CYFIP1: variants seen among roughly 807,000 people sequenced by gnomAD.
The protein encoded by CYFIP1 is cytoplasmic FMR1-interacting protein 1.
CYFIP1 carries 58 observed loss-of-function variants against 163.5 expected under a neutral mutation model. The observed-to-expected ratio is 0.35, with a 90% CI of 0.29 to 0.44. The LOEUF (loss-of-function observed/expected upper bound fraction) is 0.44. Ranked by LOEUF, CYFIP1 falls within the 20% of genes least tolerant of loss-of-function variation. The pLI, the probability that CYFIP1 is intolerant of heterozygous loss-of-function variation, is 1.00. For synonymous variants in CYFIP1, 663 were observed against 660.7 expected, an observed-to-expected ratio of 1.00 and a Z score of -0.05; for missense variants, 1,338 against 1,653.8, an observed-to-expected ratio of 0.81 and a Z score of 3.31.
intron 11 of CYFIP1, among the ~76,000 whole-genome samples, chr15:22,929,318 T>C (rs912109577): frequency 6.6e-6 from 1 of 151,802 alleles, no homozygotes; most frequent in Non-Finnish European, 1.5e-5. Context: ...CTGTAATTAG[T>C]AGTGCTGGCA....
chr15:22,962,076 A>G (rs1401329363), intron 1 of CYFIP1, among the ~76,000 whole-genome samples: 3 of 152,166 alleles, frequency 2.0e-5, no homozygotes, highest in African/African-American at 7.2e-5. Flanking sequence ...CTCAGGTGAG[A>G]AACAGTGTCA....
chr15:22,871,850 C>G (rs1482723460), intron 30 of CYFIP1, among the ~76,000 whole-genome samples: 2 of 152,140 alleles, frequency 1.3e-5, no homozygotes, highest in African/African-American at 4.8e-5. Flanking sequence ...AGGGTGAACC[C>G]AGCACCTCAG....
chr15:22,912,858 C>A (rs757946577), intron 17 of CYFIP1, among the ~76,000 whole-genome samples: 1 of 152,078 alleles, frequency 6.6e-6, no homozygotes, highest in Non-Finnish European at 1.5e-5. Context: ...GAGGTTGAGG[C>A]TGCAGTGAGC....
chr15:22,874,758 G>C lies in CYFIP1; in HGVS notation c.3116-114C>G, dbSNP rs1159650697. 4 of 681,178 alleles carry C rather than the reference G, an allele frequency of 5.9e-6. No individual in the cohort carries two copies. In the East Asian group the frequency reaches 1.2e-4, roughly 21 times the overall value. The allele number at this position is 681,178 out of a possible 1,614,324, so 42.2% of individuals were successfully genotyped here. A position where few individuals can be genotyped will look rare whatever the true frequency, so the allele number is the denominator to read the frequency against. On this transcript the variant is annotated intron_variant, in intron 27 of 30. Transcript: ENST00000617928. ...TTTTTAAGTTAACATTATGGATACA[G>C]ATTCTCTTTGAAAATTATTTTACAG...
At chr15:22,957,076 G>A (rs955367477) in intron 1 of CYFIP1, among the ~76,000 whole-genome samples, 8 of 152,230 alleles carry the variant, frequency 5.3e-5, no homozygotes, top group South Asian at 2.1e-4. Context: ...TCGGTGCCAC[G>A]CAGGCGGCAG....
chr15:22,951,993 C>G (rs911651319), intron 1 of CYFIP1, among the ~76,000 whole-genome samples: 1 of 152,336 alleles, frequency 6.6e-6, no homozygotes, highest in Admixed American at 6.5e-5. Flanking sequence ...CAAGCCAGTG[C>G]TTGCAGACTT....
At chr15:22,958,234 C>T (rs2346693) in intron 1 of CYFIP1, among the ~76,000 whole-genome samples, 15,518 of 151,950 alleles carry the variant, frequency 0.1, 905 homozygotes, top group African/African-American at 0.11. Flanking sequence ...TACAGGCACC[C>T]GCCACCACAC....
chr15:22,972,750 A>G (rs1283115496), intron 1 of CYFIP1, among the ~76,000 whole-genome samples: 2 of 152,172 alleles, frequency 1.3e-5, no homozygotes, highest in African/African-American at 4.8e-5. Context: ...GCGGTGGCTT[A>G]GCCTATAATC....
At chr15:22,924,348 C>T (rs140010623) in intron 13 of CYFIP1, among the ~76,000 whole-genome samples, 2 of 152,208 alleles carry the variant, frequency 1.3e-5, no homozygotes, top group Non-Finnish European at 2.9e-5. Flanking sequence ...TGCTTGAACC[C>T]GGGAGGGAGA....
At chr15:22,880,610 C>T (rs750511938) in intron 25 of CYFIP1, among the ~76,000 whole-genome samples, 1 of 152,200 alleles carries the variant, frequency 6.6e-6, no homozygotes, top group East Asian at 1.9e-4. Flanking sequence ...AGCCAATCTA[C>T]AGCTTCAACT....
intron 1 of CYFIP1, among the ~76,000 whole-genome samples, chr15:22,974,613 C>T (rs2140275174): frequency 6.6e-6 from 1 of 152,044 alleles, no homozygotes; most frequent in Admixed American, 6.6e-5. Context: ...TCCTGTAATC[C>T]CAGGTACTTG....
intron 30 of CYFIP1, 190 bp downstream of exon 30, chr15:22,872,635 T>C: frequency 3.4e-6 from 2 of 582,608 alleles, no homozygotes; most frequent in South Asian, 4.2e-5. Flanking sequence ...GAACAATGAG[T>C]ATTTTCTCTG....
chr15:22,950,076 G>C (rs1185935921), intron 1 of CYFIP1, among the ~76,000 whole-genome samples: 1 of 152,062 alleles, frequency 6.6e-6, no homozygotes. Context: ...AAACCTAAAA[G>C]GAAATAGAGC....
intron 1 of CYFIP1, among the ~76,000 whole-genome samples, chr15:22,964,157 C>CT (rs56861965): frequency 0.32 from 42,568 of 134,510 alleles, 7,334 homozygotes; most frequent in African/African-American, 0.37. Flanking sequence ...ACTTCACATA[C>CT]TTTTTTTTTT....
At chr15:22,938,058 C>T (rs1023865065) in intron 8 of CYFIP1, among the ~76,000 whole-genome samples, 2 of 152,170 alleles carry the variant, frequency 1.3e-5, no homozygotes, top group Non-Finnish European at 2.9e-5. Context: ...CAGGAGGAGT[C>T]TGGGGGCTGG....
chr15:22,905,566 G>A (rs1027952976), intron 21 of CYFIP1: 1 of 150,042 alleles, frequency 6.7e-6, no homozygotes, highest in African/African-American at 2.5e-5. Context: ...AGCATCCCGA[G>A]TAGCTGGGAC....
At chr15:22,942,497 G>A (rs900513069) in intron 6 of CYFIP1, among the ~76,000 whole-genome samples, 6 of 152,062 alleles carry the variant, frequency 3.9e-5, no homozygotes, top group Non-Finnish European at 7.4e-5. Flanking sequence ...GGTCGGCAGC[G>A]CGCCGAGTGT....
At chr15:22,927,664 C>T (rs921808735) in intron 12 of CYFIP1, among the ~76,000 whole-genome samples, 2 of 151,584 alleles carry the variant, frequency 1.3e-5, no homozygotes, top group Admixed American at 6.6e-5. Flanking sequence ...AAAAAAAGAA[C>T]GACTTAAAGA....
chr15:22,913,261 A>G (rs1364924243), intron 17 of CYFIP1, among the ~76,000 whole-genome samples: 1 of 150,210 alleles, frequency 6.7e-6, no homozygotes, highest in African/African-American at 2.5e-5. Flanking sequence ...GGGCGCGGTG[A>G]CTCATGCCTG....
Sources: gnomAD v4.1 joint callset for allele counts (sites outside exome capture counted in the v4.1 genomes callset) on GRCh38, gnomAD v4.1.1 for gene constraint, MANE v1.5 for transcripts, NCBI Gene and HGNC (gene_info 2026-07-23, HGNC 2026-07-21) for gene names.